Variants in SIL1 observed in about 807,000 individuals in gnomAD.
SIL1 encodes SIL1 nucleotide exchange factor.
SIL1 carries 40 observed loss-of-function variants against 49.1 expected under a neutral mutation model. The ratio of observed to expected loss-of-function variants is 0.81; its 90% CI spans 0.63 to 1.06. The LOEUF (loss-of-function observed/expected upper bound fraction) is 1.06, where lower values mean the gene tolerates loss of function less well. Ranked by LOEUF, SIL1 falls within the 50% of genes least tolerant of loss-of-function variation. SIL1 has a pLI of 0.00. For synonymous variants in SIL1, 253 were observed against 250.8 expected (o/e 1.01, Z -0.08); for missense variants, 500 against 572.6 (o/e 0.87, Z 1.29).
chr5:139,156,075 T>C (rs1262644914), intron 1 of SIL1, among the ~76,000 whole-genome samples: 1 of 152,118 alleles, frequency 6.6e-6, no homozygotes, highest in African/African-American at 2.4e-5. Flanking sequence ...GGTCAAACTC[T>C]TAAGGAACTA....
intron 7 of SIL1, among the ~76,000 whole-genome samples, chr5:139,018,649 T>G (rs1233779057): frequency 6.7e-6 from 1 of 148,570 alleles, no homozygotes; most frequent in Non-Finnish European, 1.5e-5. Context: ...TATAAGCGAC[T>G]TAACAGAAGA....
At chr5:139,004,473 T>C (rs1768064970) in intron 7 of SIL1, among the ~76,000 whole-genome samples, 1 of 152,224 alleles carries the variant, frequency 6.6e-6, no homozygotes, top group Non-Finnish European at 1.5e-5. Flanking sequence ...AGGTTTATTC[T>C]CTTTATTCTT....
intron 1 of SIL1, among the ~76,000 whole-genome samples, chr5:139,145,283 A>G (rs886576015): frequency 2.0e-5 from 3 of 152,206 alleles, no homozygotes; most frequent in African/African-American, 7.2e-5. Context: ...GCCACTTCAC[A>G]CCTACTAGGT....
chr5:139,038,537 G>A (rs1258033827), intron 5 of SIL1, among the ~76,000 whole-genome samples: 1 of 152,118 alleles, frequency 6.6e-6, no homozygotes, highest in Non-Finnish European at 1.5e-5. Context: ...TATTAATTCT[G>A]GTCAGTTTCT....
At position 138,991,049 on chromosome 5, in the gene SIL1, T is replaced by C. The variant is rs144627379; in HGVS notation, c.767+30122A>G. ...GCTTTTTAAAACAGTCTTTATCCTT[T>C]CCTTTTTCCGGGTGATCTGAAAAAT... On this transcript the variant is annotated intron_variant, in intron 7 of 9. Transcript: ENST00000394817. Among the ~76,000 whole-genome samples, 571 of 152,352 alleles carry C rather than the reference T, an allele frequency of 3.7e-3. 1 individual carries two copies. The highest frequency in any genetic ancestry group is 0.013 in the African/African-American group (545 of 41,594).
intron 5 of SIL1, among the ~76,000 whole-genome samples, chr5:139,028,937 T>C (rs1768724709): frequency 6.6e-6 from 1 of 152,238 alleles, no homozygotes; most frequent in African/African-American, 2.4e-5. Flanking sequence ...TACATCCCTG[T>C]GCCCTGGTTG....
At chr5:139,115,890 C>T (rs1301882912) in intron 3 of SIL1, among the ~76,000 whole-genome samples, 1 of 152,220 alleles carries the variant, frequency 6.6e-6, no homozygotes, top group Non-Finnish European at 1.5e-5. Flanking sequence ...TTGCAACTGC[C>T]ATATGAAATG....
At chr5:139,110,636 A>C (rs1248871219) in intron 3 of SIL1, among the ~76,000 whole-genome samples, 2 of 152,376 alleles carry the variant, frequency 1.3e-5, no homozygotes, top group East Asian at 3.9e-4. Context: ...CCCAGGCAAC[A>C]AAAGGCTCAC....
intron 3 of SIL1, among the ~76,000 whole-genome samples, chr5:139,104,242 G>C (rs1561863503): frequency 6.6e-6 from 1 of 152,210 alleles, no homozygotes; most frequent in Non-Finnish European, 1.5e-5. Context: ...AGACTGGGCA[G>C]GGGCCTCCTG....
chr5:139,005,587 T>C (rs1768098431), intron 7 of SIL1, among the ~76,000 whole-genome samples: 2 of 118,288 alleles, frequency 1.7e-5, no homozygotes, highest in South Asian at 6.3e-4. Context: ...TATCTCCCAA[T>C]GCTATCCCTC....
chr5:138,970,654 A>G (rs1767248591), intron 7 of SIL1, among the ~76,000 whole-genome samples: 1 of 152,154 alleles, frequency 6.6e-6, no homozygotes, highest in Admixed American at 6.5e-5. Context: ...GTAAACAGCC[A>G]ATCCCAGCAT....
At chr5:139,110,593 A>T (rs1561865919) in intron 3 of SIL1, among the ~76,000 whole-genome samples, 2 of 152,224 alleles carry the variant, frequency 1.3e-5, no homozygotes, top group Non-Finnish European at 2.9e-5. Flanking sequence ...CAAAACCCCC[A>T]CATGAACAGA....
chr5:139,070,011 ATAAG>A lies in SIL1; in HGVS notation c.245-18969_245-18966del, dbSNP rs1435408847. On this transcript the variant is annotated intron_variant, in intron 3 of 9. Transcript: ENST00000394817. ...AGAAAATACATCCCAGACAATGAAA[ATAAG>A]TAAGACCGGCGGTAAACATTACATA... Among the ~76,000 whole-genome samples, 4 of 152,204 alleles carry A rather than the reference ATAAG, an allele frequency of 2.6e-5. No individual in the cohort carries two copies. In the East Asian group the frequency reaches 7.7e-4, roughly 29 times the overall value.
chr5:139,028,495 C>CACAAAACAAA (rs56269800), intron 5 of SIL1, among the ~76,000 whole-genome samples: 79 of 149,296 alleles, frequency 5.3e-4, no homozygotes, highest in East Asian at 2.2e-3. Context: ...GAGACTCCAT[C>CACAAAACAAA]ACAAAACAAA....
chr5:139,001,829 C>T (rs963439972), intron 7 of SIL1, among the ~76,000 whole-genome samples: 3 of 151,872 alleles, frequency 2.0e-5, no homozygotes, highest in Non-Finnish European at 4.4e-5. Flanking sequence ...GGTGTGAACC[C>T]GGGAGGCAGA....
At chr5:138,974,728 C>T (rs1314908290) in intron 7 of SIL1, among the ~76,000 whole-genome samples, 6 of 152,210 alleles carry the variant, frequency 3.9e-5, no homozygotes, top group Non-Finnish European at 7.3e-5. Flanking sequence ...GCTCCTCTCT[C>T]GGTCTCACTC....
intron 3 of SIL1, among the ~76,000 whole-genome samples, chr5:139,100,992 C>T (rs1336475173): frequency 3.9e-5 from 6 of 152,036 alleles, no homozygotes; most frequent in East Asian, 1.9e-4. Flanking sequence ...GAGTCACCAA[C>T]GCCTTAAGTG....
At chr5:139,013,084 A>C (rs139729685) in intron 7 of SIL1, among the ~76,000 whole-genome samples, 1,807 of 152,326 alleles carry the variant, frequency 0.012, 15 homozygotes, top group Middle Eastern at 0.041. Context: ...TGAAAAAGCC[A>C]GTAATTTGCC....
At chr5:139,174,994 T>C (rs567372364) in intron 1 of SIL1, among the ~76,000 whole-genome samples, 3 of 146,194 alleles carry the variant, frequency 2.1e-5, no homozygotes, top group African/African-American at 7.6e-5. Flanking sequence ...AGTGGAGATA[T>C]TACCACTGAT....
Sources: allele counts gnomAD v4.1 joint callset (sites outside exome capture counted in the v4.1 genomes callset), GRCh38; gene constraint gnomAD v4.1.1; transcripts MANE v1.5; gene names NCBI Gene and HGNC (gene_info 2026-07-23, HGNC 2026-07-21).